Variants in MGAT5 observed in about 807,000 individuals in gnomAD.
The protein encoded by MGAT5 is alpha-1,6-mannosylglycoprotein 6-beta-N-acetylglucosaminyltransferase A.
In MGAT5, 30 loss-of-function variants were observed where a neutral mutation model predicts 94.3. The ratio of observed to expected loss-of-function variants is 0.32; its 90% CI spans 0.24 to 0.43. The LOEUF (loss-of-function observed/expected upper bound fraction) is 0.43. Among genes scored for constraint, MGAT5 ranks in the 20% least tolerant of loss-of-function variants. The pLI is 1.00. For synonymous variants in MGAT5, 310 were observed against 322.9 expected (o/e 0.96, Z 0.43); for missense variants, 691 against 905.5 (o/e 0.76, Z 3.04).
intron 1 of MGAT5, among the ~76,000 whole-genome samples, chr2:134,189,592 G>GTTTTTTTTTGT (rs1488960481): frequency 3.6e-5 from 2 of 56,316 alleles, no homozygotes; most frequent in Non-Finnish European, 7.5e-5. Flanking sequence ...CATGGCTCTA[G>GTTTTTTTTTGT]TTTTTTTTTG....
intron 1 of MGAT5, among the ~76,000 whole-genome samples, chr2:134,255,730 G>A (rs1207420651): frequency 6.6e-6 from 1 of 152,062 alleles, no homozygotes. Flanking sequence ...GCAAGAATGG[G>A]GTTAGGTGAG....
chr2:134,200,011 C>T (rs908322906), intron 1 of MGAT5, among the ~76,000 whole-genome samples: 2 of 152,166 alleles, frequency 1.3e-5, no homozygotes, highest in Non-Finnish European at 2.9e-5. Context: ...TTTTGGTAAA[C>T]ACCTGAGAAT....
At chr2:134,443,721 C>T (rs1399226227) in intron 15 of MGAT5, among the ~76,000 whole-genome samples, 2 of 152,270 alleles carry the variant, frequency 1.3e-5, no homozygotes, top group Admixed American at 1.3e-4. Flanking sequence ...ATTGTAGGGT[C>T]CTGTGAGGGG....
intron 1 of MGAT5, among the ~76,000 whole-genome samples, chr2:134,257,836 C>CTTTTTTTTTTTTTTT (rs10628858): frequency 9.4e-6 from 1 of 106,414 alleles, no homozygotes; most frequent in African/African-American, 3.7e-5. Context: ...TTTGCAGTCT[C>CTTTTTTTTTTTTTTT]TTTTTTTTTT....
intron 1 of MGAT5, among the ~76,000 whole-genome samples, chr2:134,131,094 A>C (rs1177904575): frequency 6.6e-6 from 1 of 152,144 alleles, no homozygotes; most frequent in Admixed American, 6.5e-5. Context: ...TTGGGTCCAC[A>C]CTGCCTTTAT....
At chr2:134,358,032 G>A (rs1679857629) in intron 9 of MGAT5, among the ~76,000 whole-genome samples, 1 of 151,862 alleles carries the variant, frequency 6.6e-6, no homozygotes, top group Admixed American at 6.6e-5. Context: ...TGAATATGAT[G>A]ACAATCAGTA....
chr2:134,300,336 G>A (rs919096632), intron 2 of MGAT5, among the ~76,000 whole-genome samples: 4 of 152,112 alleles, frequency 2.6e-5, no homozygotes, highest in South Asian at 4.1e-4. Context: ...GATTTCTGTC[G>A]AAGCCTACAG....
chr2:134,217,394 T>C (rs907223582), intron 1 of MGAT5, among the ~76,000 whole-genome samples: 3 of 152,140 alleles, frequency 2.0e-5, no homozygotes, highest in Non-Finnish European at 2.9e-5. Flanking sequence ...TTCAATCTTA[T>C]TTGAGTTTTC....
At chr2:134,395,602 T>C (rs1682660361) in intron 10 of MGAT5, among the ~76,000 whole-genome samples, 1 of 152,216 alleles carries the variant, frequency 6.6e-6, no homozygotes, top group Non-Finnish European at 1.5e-5. Flanking sequence ...CAGTGCTGGC[T>C]CAGCACTGTA....
At chr2:134,266,724 G>C (rs1683739614) in intron 1 of MGAT5, among the ~76,000 whole-genome samples, 1 of 152,214 alleles carries the variant, frequency 6.6e-6, no homozygotes, top group Non-Finnish European at 1.5e-5. Context: ...TAATGATACA[G>C]ATATGGGCTT....
At chr2:134,338,834 G>A (rs923163967) in intron 6 of MGAT5, among the ~76,000 whole-genome samples, 2 of 152,000 alleles carry the variant, frequency 1.3e-5, no homozygotes, top group Admixed American at 1.3e-4. Context: ...TGTCTGGTTG[G>A]TGCTTCTGCT....
intron 10 of MGAT5, among the ~76,000 whole-genome samples, chr2:134,382,850 A>G (rs1202413074): frequency 1.3e-5 from 2 of 152,200 alleles, no homozygotes; most frequent in Admixed American, 6.5e-5. Context: ...GTGCACATCA[A>G]ATGTTGAGAG....
chr2:134,360,680 T>TC (rs1239831158), intron 9 of MGAT5, among the ~76,000 whole-genome samples: 3 of 152,194 alleles, frequency 2.0e-5, no homozygotes, highest in Non-Finnish European at 2.9e-5. Context: ...TTTGTTCCTC[T>TC]CCCCGCTAAT....
At chr2:134,213,920 C>G (rs187427771) in intron 1 of MGAT5, among the ~76,000 whole-genome samples, 1 of 152,154 alleles carries the variant, frequency 6.6e-6, no homozygotes, top group Admixed American at 6.5e-5. Flanking sequence ...TAGGGACGAT[C>G]GATTAAATCA....
intron 1 of MGAT5, among the ~76,000 whole-genome samples, chr2:134,230,985 A>G (rs78127997): frequency 0.011 from 1,697 of 152,346 alleles, 22 homozygotes; most frequent in African/African-American, 0.037. Flanking sequence ...GATATGTGCT[A>G]CAACATTGGA....
intron 1 of MGAT5, among the ~76,000 whole-genome samples, chr2:134,124,225 C>A (rs1017044358): frequency 1.3e-5 from 2 of 152,196 alleles, no homozygotes; most frequent in African/African-American, 4.8e-5. Flanking sequence ...AGGTGGGTCC[C>A]AGGAGCCTTA....
At chr2:134,257,989 T>C (rs755167102) in intron 1 of MGAT5, among the ~76,000 whole-genome samples, 1 of 152,116 alleles carries the variant, frequency 6.6e-6, no homozygotes, top group Admixed American at 6.5e-5. Context: ...TCCTTCTTTA[T>C]CTCATCCCCA....
chr2:134,365,489 C>T lies in MGAT5; in HGVS notation c.1380+3081C>T, dbSNP rs116815298. On this transcript the variant is annotated intron_variant, in intron 10 of 15. Transcript: ENST00000281923. ...CATGTTAACAGAAATCAAAAAAATG[C>T]GTCTGTGGCAGGAGGGCGAGGCGGA... Among the ~76,000 whole-genome samples the T allele has an allele frequency of 5.5e-3, 830 of 152,212 alleles. 3 individuals are homozygous for T. The highest frequency in any genetic ancestry group is 0.019 in the African/African-American group (797 of 41,512).
Position 134,412,858 on chromosome 2 carries a change from C to T in MGAT5, c.1531-11C>T. On this transcript the variant is annotated splice_polypyrimidine_tract_variant and intron_variant, in intron 11 of 15. Transcript: ENST00000281923. ...ATGTGTTCATACGCTGTGTGGTTTT[C>T]TGTCTTACAGTTGTTTGTTGGACTT... is the stretch of plus-strand genomic sequence containing the variant. 1.9e-6 allele frequency: 3 copies of T among 1,613,946 alleles called. No homozygotes were observed. Among genetic ancestry groups the T allele is most frequent in the Admixed American group, 1.7e-5 (1 of 60,004 alleles).
Sources: allele counts gnomAD v4.1 joint callset (sites outside exome capture counted in the v4.1 genomes callset), GRCh38; gene constraint gnomAD v4.1.1; transcripts MANE v1.5; gene names NCBI Gene and HGNC (gene_info 2026-07-23, HGNC 2026-07-21).